The following C12orf54 variants were observed in gnomAD, a reference collection of about 807,000 sequenced individuals.
The protein encoded by C12orf54 is uncharacterized protein C12orf54.
Under a neutral mutation model 26.4 loss-of-function variants are expected in C12orf54, and 24 were observed. The observed-to-expected ratio is 0.91, with a 90% CI of 0.66 to 1.28. The LOEUF (loss-of-function observed/expected upper bound fraction) is 1.28, where lower values mean the gene tolerates loss of function less well. Among genes scored for constraint, C12orf54 ranks in the 50% most tolerant of loss-of-function variants. The pLI is 0.00. For missense variants in C12orf54, 154 were observed against 150.9 expected, an observed-to-expected ratio of 1.02 and a Z score of -0.11; for synonymous variants, 54 against 47.0, an observed-to-expected ratio of 1.15 and a Z score of -0.61.
intron 7 of C12orf54, among the ~76,000 whole-genome samples, chr12:48,493,560 G>A (rs1937838605): frequency 1.4e-5 from 2 of 148,100 alleles, no homozygotes; most frequent in Non-Finnish European, 3.0e-5. Flanking sequence ...GGTGGAGACT[G>A]CAGTGAGCCA....
the C12orf54 span, among the ~76,000 whole-genome samples, chr12:48,432,870 C>CAA: frequency 1.3e-3 from 151 of 115,144 alleles, no homozygotes; most frequent in East Asian, 2.0e-3. Context: ...ACTTTTTCTA[C>CAA]AAAAAAAAAA....
At position 48,483,338 on chromosome 12, in the gene C12orf54, A is replaced by G; in HGVS notation, c.42A>G (p.Glu14=). Residue 14 remains glutamate (E), a synonymous_variant, in exon 2 of 9, where the codon GAA becomes GAG. Coordinates refer to ENST00000548364, the MANE Select transcript of C12orf54 (RefSeq NM_152319.4). ...HPCQDQEQKV[E]MTSKQQRSTS... is the part of the protein sequence containing the mutation. ...GCCAGGATCAGGAACAAAAGGTAGA[A>G]ATGACCTCCAAGCAGCAGAGAAGGT... 6.2e-7 allele frequency: 1 copy of G among 1,613,924 alleles called. No homozygotes were observed.
At chr12:48,473,154 G>A in the C12orf54 span, 2 of 1,563,908 alleles carry the variant, frequency 1.3e-6, no homozygotes, top group Non-Finnish European at 1.8e-6. Context: ...TGAGGGCTTT[G>A]TGGAGTGCCT....
At chr12:48,415,937 C>G in the C12orf54 span, among the ~76,000 whole-genome samples, 1 of 152,166 alleles carries the variant, frequency 6.6e-6, no homozygotes, top group Admixed American at 6.5e-5. Context: ...CCCCGATTAT[C>G]CTGACTTCAG....
At chr12:48,489,415 G>T (rs1463708802) in intron 5 of C12orf54, 3 of 267,164 alleles carry the variant, frequency 1.1e-5, no homozygotes, top group African/African-American at 6.8e-5. Flanking sequence ...AGATTTCAGT[G>T]TCTCTCTCAA....
chr12:48,485,526 G>A (rs1010275026), intron 2 of C12orf54, among the ~76,000 whole-genome samples: 3 of 152,110 alleles, frequency 2.0e-5, no homozygotes, highest in Non-Finnish European at 2.9e-5. Flanking sequence ...CAGGATCAGC[G>A]AGCATGGTAG....
chr12:48,487,426 T>C (rs1252797784), intron 4 of C12orf54, among the ~76,000 whole-genome samples: 1 of 152,218 alleles, frequency 6.6e-6, no homozygotes, highest in African/African-American at 2.4e-5. Flanking sequence ...TACAATATTA[T>C]TTAAAATGAA....
chr12:48,443,979 A>G, the C12orf54 span, among the ~76,000 whole-genome samples: 8 of 152,206 alleles, frequency 5.3e-5, no homozygotes, highest in Non-Finnish European at 1.0e-4. Flanking sequence ...TGCATTTCTT[A>G]CCCAGTTTAA....
the C12orf54 span, chr12:48,472,560 A>G: frequency 3.7e-6 from 5 of 1,351,514 alleles, no homozygotes; most frequent in South Asian, 2.7e-5. Flanking sequence ...TTACTTTCGG[A>G]GAACCCAGCA....
chr12:48,488,844 T>C, intron 4 of C12orf54, 80 bp from the exon 5 acceptor site: 2 of 1,286,148 alleles, frequency 1.6e-6, no homozygotes, highest in South Asian at 1.2e-5. Context: ...ACTAGGTAAC[T>C]TAATTTTATA....
chr12:48,424,686 A>G, the C12orf54 span, among the ~76,000 whole-genome samples: 1 of 152,170 alleles, frequency 6.6e-6, no homozygotes, highest in Non-Finnish European at 1.5e-5. Context: ...CATGTGGCCC[A>G]GCAATTTCAC....
the C12orf54 span, among the ~76,000 whole-genome samples, chr12:48,427,403 C>G: frequency 6.6e-6 from 1 of 151,970 alleles, no homozygotes; most frequent in Non-Finnish European, 1.5e-5. Flanking sequence ...TATATTGAAC[C>G]CACTTTGCAT....
chr12:48,434,393 C>A, the C12orf54 span, among the ~76,000 whole-genome samples: 1 of 152,212 alleles, frequency 6.6e-6, no homozygotes, highest in Non-Finnish European at 1.5e-5. Flanking sequence ...ATGTCCCTGT[C>A]TGACAGCTTT....
intron 2 of C12orf54, among the ~76,000 whole-genome samples, chr12:48,485,926 A>C: frequency 6.6e-6 from 1 of 152,154 alleles, no homozygotes; most frequent in Middle Eastern, 3.2e-3. Context: ...CATCACCTTC[A>C]CTTCCATTGT....
chr12:48,439,817 C>T, the C12orf54 span, among the ~76,000 whole-genome samples: 1 of 151,990 alleles, frequency 6.6e-6, no homozygotes, highest in Admixed American at 6.6e-5. Flanking sequence ...GTAATGGGTG[C>T]AGCACACCAA....
chr12:48,488,102 G>A, intron 4 of C12orf54: 2 of 851,564 alleles, frequency 2.3e-6, no homozygotes, highest in East Asian at 2.4e-5. Context: ...AGTCTCTCAA[G>A]TCCCAAGGCT....
At chr12:48,494,219 C>CA (rs933658163) in intron 7 of C12orf54, among the ~76,000 whole-genome samples, 7 of 148,898 alleles carry the variant, frequency 4.7e-5, no homozygotes, top group Non-Finnish European at 8.9e-5. Context: ...AACTCTGTCT[C>CA]AAAAAAAAAA....
chr12:48,478,454 A>G (rs1411963401), upstream of C12orf54, among the ~76,000 whole-genome samples: 3 of 152,232 alleles, frequency 2.0e-5, no homozygotes, highest in Non-Finnish European at 1.5e-5. Context: ...GACGAAGTCA[A>G]ATTGTCCCTG....
At chr12:48,471,737 T>C in the C12orf54 span, among the ~76,000 whole-genome samples, 1 of 152,204 alleles carries the variant, frequency 6.6e-6, no homozygotes, top group African/African-American at 2.4e-5. Context: ...GCTGTTTTGG[T>C]TACTATAGCT....
Sources: gnomAD v4.1 joint callset for allele counts (sites outside exome capture counted in the v4.1 genomes callset) on GRCh38, gnomAD v4.1.1 for gene constraint, MANE v1.5 for transcripts, NCBI Gene and HGNC (gene_info 2026-07-23, HGNC 2026-07-21) for gene names.